The following SCAP variants were observed in gnomAD, a reference collection of about 807,000 sequenced individuals.
SCAP encodes SREBF chaperone.
Under a neutral mutation model 123.6 loss-of-function variants are expected in SCAP, and 65 were observed. That is an observed-to-expected ratio of 0.53 (90% CI 0.43 to 0.65). The LOEUF (loss-of-function observed/expected upper bound fraction) is 0.65, where lower values mean the gene tolerates loss of function less well. Ranked by LOEUF, SCAP falls within the 30% of genes least tolerant of loss-of-function variation. The probability of loss-of-function intolerance (pLI) is 0.00; values close to 1 mark genes in which losing one functional copy is unlikely to be tolerated. For missense variants in SCAP, 1,398 were observed against 1,712.5 expected, an observed-to-expected ratio of 0.82 and a Z score of 3.24; for synonymous variants, 740 against 726.3, an observed-to-expected ratio of 1.02 and a Z score of -0.30.
chr3:47,433,154 C>T (rs1461639909), intron 3 of SCAP, among the ~76,000 whole-genome samples: 4 of 152,176 alleles, frequency 2.6e-5, no homozygotes, highest in Non-Finnish European at 4.4e-5. Flanking sequence ...ACCAAAAATT[C>T]CCTTTCACTT....
intron 1 of SCAP, among the ~76,000 whole-genome samples, chr3:47,446,176 CTTTT>C (rs1291703603): frequency 7.7e-6 from 1 of 129,184 alleles, no homozygotes; most frequent in South Asian, 2.5e-4. Flanking sequence ...CCTGGCCAAC[CTTTT>C]TTTTTTTTTT....
At chr3:47,441,424 T>C (rs1165323495) in intron 2 of SCAP, among the ~76,000 whole-genome samples, 1 of 152,024 alleles carries the variant, frequency 6.6e-6, no homozygotes, top group African/African-American at 2.4e-5. Context: ...GCTGTGATTG[T>C]GCCACTACAT....
At chr3:47,418,056 A>AG in intron 16 of SCAP, 78 bp downstream of exon 16, 1 of 846,436 alleles carries the variant, frequency 1.2e-6, no homozygotes, top group East Asian at 3.8e-5. Context: ...GGAAGAAAGG[A>AG]GGGGAGATAC....
intron 2 of SCAP, among the ~76,000 whole-genome samples, chr3:47,441,313 C>T (rs188309990): frequency 1.3e-5 from 2 of 152,090 alleles, no homozygotes; most frequent in African/African-American, 2.4e-5. Context: ...CTACAAAAGA[C>T]GAAAAACAGC....
intron 2 of SCAP, among the ~76,000 whole-genome samples, chr3:47,441,409 G>C (rs1319886779): frequency 6.6e-6 from 1 of 152,048 alleles, no homozygotes; most frequent in South Asian, 2.1e-4. Context: ...TTGAGGCTGA[G>C]GTGAGCTGTG....
At chr3:47,441,874 CTTTTTTTTTT>C (rs1160447716) in intron 2 of SCAP, among the ~76,000 whole-genome samples, 5 of 76,414 alleles carry the variant, frequency 6.5e-5, no homozygotes, top group Non-Finnish European at 7.0e-5. Flanking sequence ...GTTCATCTTT[CTTTTTTTTTT>C]TTTTTTTTTT....
intron 1 of SCAP, among the ~76,000 whole-genome samples, chr3:47,469,076 G>T (rs192296724): frequency 6.6e-6 from 1 of 152,226 alleles, no homozygotes; most frequent in Non-Finnish European, 1.5e-5. Context: ...GGCCAGGCAC[G>T]TTGGCTCACA....
At chr3:47,475,167 C>A (rs543103159) in intron 1 of SCAP, among the ~76,000 whole-genome samples, 4 of 152,074 alleles carry the variant, frequency 2.6e-5, no homozygotes, top group South Asian at 2.1e-4. Context: ...CACTGCCCCC[C>A]CCTCCGCATT....
rs983653499 is a variant in SCAP at position 47,419,818 on chromosome 3, G to C, written c.1564-114C>G. On this transcript the variant is annotated intron_variant, in intron 12 of 22. Transcript: ENST00000265565. The surrounding 1 kb of genome is among the most constrained non-coding windows in gnomAD (Gnocchi z 5.0). ...GACCTCAGGCCTGGGGATGGAGAGA[G>C]GACACAGGCCCCACTGCGTCCTTTT... 1.6e-6 allele frequency: 2 copies of C among 1,261,084 alleles called. No individual in the cohort carries two copies. Among genetic ancestry groups the C allele is most frequent in the East Asian group, 5.1e-5 (2 of 39,278 alleles). 78.1% of individuals were successfully genotyped at this position (1,261,084 alleles called of 1,614,324 possible). A position where few individuals can be genotyped will look rare whatever the true frequency, so the allele number is the denominator to read the frequency against.
Position 47,417,970 on chromosome 3 carries a change from G to C in SCAP, c.2448-144C>G, listed in dbSNP as rs1249082857. The C allele has an allele frequency of 1.5e-5, 7 of 464,792 alleles. No homozygotes were observed. In the Admixed American group the frequency reaches 1.7e-4, roughly 11 times the overall value. 28.8% of individuals were successfully genotyped at this position (464,792 alleles called of 1,614,324 possible). ...GAGAGGGTGGTGCGGGGTGGGGAGA[G>C]GGGGGTACGGGGTGGTGGGAGGGGG... On this transcript the variant is annotated intron_variant, in intron 16 of 22. Coordinates refer to ENST00000265565, the MANE Select transcript of SCAP (RefSeq NM_012235.4).
chr3:47,471,793 C>T (rs1708032413), intron 1 of SCAP, among the ~76,000 whole-genome samples: 1 of 152,090 alleles, frequency 6.6e-6, no homozygotes, highest in African/African-American at 2.4e-5. Context: ...AATACATGTA[C>T]ACTTACATAT....
intron 1 of SCAP, among the ~76,000 whole-genome samples, chr3:47,445,477 A>G (rs1422831708): frequency 6.6e-6 from 1 of 150,742 alleles, no homozygotes; most frequent in East Asian, 2.0e-4. Flanking sequence ...CGAACTCCTA[A>G]CCAGGTGATC....
chr3:47,464,796 T>C (rs1707766220), intron 1 of SCAP, among the ~76,000 whole-genome samples: 2 of 152,166 alleles, frequency 1.3e-5, no homozygotes, highest in African/African-American at 4.8e-5. Context: ...ACCCTTTCTC[T>C]CCAGGCATCT....
chr3:47,461,750 T>G (rs1266298524), intron 1 of SCAP, among the ~76,000 whole-genome samples: 1 of 152,090 alleles, frequency 6.6e-6, no homozygotes, highest in Admixed American at 6.6e-5. Context: ...AAGAGCAGTC[T>G]AGGCCGGGCA....
chr3:47,448,537 C>A (rs1181276028), intron 1 of SCAP, among the ~76,000 whole-genome samples: 7 of 151,970 alleles, frequency 4.6e-5, no homozygotes, highest in African/African-American at 1.7e-4. Context: ...TCCCATGGGT[C>A]CCTGAAGCTC....
chr3:47,445,931 G>A (rs1161205448), intron 1 of SCAP, among the ~76,000 whole-genome samples: 11 of 145,388 alleles, frequency 7.6e-5, no homozygotes, highest in Admixed American at 2.8e-4. Flanking sequence ...GCTGGAGTGC[G>A]GTGGTGCGAT....
Position 47,413,702 on chromosome 3 carries a change from G to A in SCAP, c.*152C>T, listed in dbSNP as rs1705412391. ...CAAGTAGCTCCCAAAGTGCCTGACAGATGATGATATGGTTTTTTAAAAAAG... is the reference window on the plus strand; with the variant it reads ...CAAGTAGCTCCCAAAGTGCCTGACAAATGATGATATGGTTTTTTAAAAAAG... On this transcript the variant is annotated 3_prime_UTR_variant, in exon 23 of 23. Transcript: ENST00000265565. The A allele has an allele frequency of 2.8e-6, 3 of 1,072,036 alleles. No homozygotes were observed. The highest frequency in any genetic ancestry group is 4.0e-6 in the Non-Finnish European group (3 of 743,986). 66.4% of individuals were successfully genotyped at this position (1,072,036 alleles called of 1,614,324 possible). A position where few individuals can be genotyped will look rare whatever the true frequency, so the allele number is the denominator to read the frequency against.
intron 10 of SCAP, 33 bp downstream of exon 10, chr3:47,422,409 T>C (rs1417331422): frequency 6.3e-7 from 1 of 1,591,332 alleles, no homozygotes; most frequent in African/African-American, 1.3e-5. Flanking sequence ...GTTGCTTCCA[T>C]GCTCATCCAG....
intron 1 of SCAP, among the ~76,000 whole-genome samples, chr3:47,467,479 C>T (rs1489836955): frequency 1.3e-5 from 2 of 151,880 alleles, no homozygotes; most frequent in African/African-American, 4.8e-5. Flanking sequence ...GGGGCACATG[C>T]CTGCAGTCCC....
Sources: gnomAD v4.1 joint callset for allele counts (sites outside exome capture counted in the v4.1 genomes callset) on GRCh38, gnomAD v4.1.1 for gene constraint, Gnocchi (gnomAD v3.1) non-coding constraint, MANE v1.5 for transcripts, NCBI Gene and HGNC (gene_info 2026-07-23, HGNC 2026-07-21) for gene names.